Variants in RGS5 observed in about 807,000 individuals in gnomAD.
RGS5 encodes regulator of G-protein signalling 5.
A neutral mutation model predicts 18.9 loss-of-function variants in RGS5; 20 were observed. The ratio of observed to expected loss-of-function variants is 1.06; its 90% CI spans 0.74 to 1.54. The LOEUF (loss-of-function observed/expected upper bound fraction) is 1.54, where lower values mean the gene tolerates loss of function less well. Among genes scored for constraint, RGS5 ranks in the 40% most tolerant of loss-of-function variants. The pLI is 0.00. For synonymous variants in RGS5, 57 were observed against 76.2 expected (o/e 0.75, Z 1.31); for missense variants, 201 against 211.8 (o/e 0.95, Z 0.32).
At chr1:163,316,142 C>A (rs976320279) in intron 1 of RGS5, among the ~76,000 whole-genome samples, 1 of 152,124 alleles carries the variant, frequency 6.6e-6, no homozygotes, top group Non-Finnish European at 1.5e-5. Context: ...TTTACTTACC[C>A]ATTTATAACT....
chr1:163,311,849 T>C (rs955353251), intron 1 of RGS5, among the ~76,000 whole-genome samples: 2 of 152,240 alleles, frequency 1.3e-5, no homozygotes, highest in African/African-American at 4.8e-5. Context: ...CACATGCCAC[T>C]GTTAACAATG....
chr1:163,279,938 C>T (rs1648949665), intron 2 of RGS5, among the ~76,000 whole-genome samples: 1 of 151,932 alleles, frequency 6.6e-6, no homozygotes. Context: ...TACATATAAC[C>T]TACCAAGATT....
chr1:163,306,001 T>A (rs960048242), intron 2 of RGS5, among the ~76,000 whole-genome samples: 5 of 151,938 alleles, frequency 3.3e-5, no homozygotes, highest in East Asian at 3.9e-4. Context: ...TTATTTTTTT[T>A]AATCTTTTTT....
intron 1 of RGS5, among the ~76,000 whole-genome samples, chr1:163,173,132 T>C (rs926520225): frequency 1.3e-5 from 2 of 152,192 alleles, no homozygotes; most frequent in African/African-American, 4.8e-5. Context: ...TCCTGCTTGG[T>C]CTCGGGCTCT....
chr1:163,229,277 G>T (rs574874005), intron 2 of RGS5, among the ~76,000 whole-genome samples: 2 of 152,284 alleles, frequency 1.3e-5, no homozygotes, highest in East Asian at 3.9e-4. Context: ...CAGGGCAGCA[G>T]GGGAGAGAAT....
intron 1 of RGS5, among the ~76,000 whole-genome samples, chr1:163,314,545 AAAC>A (rs555810232): frequency 5.9e-4 from 90 of 151,726 alleles, no homozygotes; most frequent in East Asian, 1.5e-3. Flanking sequence ...CAACAAAACA[AAAC>A]AACAACAACA....
chr1:163,221,301 C>T (rs1647223642), upstream of RGS5, among the ~76,000 whole-genome samples: 1 of 152,090 alleles, frequency 6.6e-6, no homozygotes, highest in Admixed American at 6.5e-5. Context: ...AGTTCGCGAC[C>T]AGCTTGGCCA....
At chr1:163,167,679 T>C (rs920895658) in intron 2 of RGS5, among the ~76,000 whole-genome samples, 2 of 152,186 alleles carry the variant, frequency 1.3e-5, no homozygotes, top group African/African-American at 4.8e-5. Context: ...GTACATTAAA[T>C]AGAAATAGCT....
chr1:163,302,050 A>T lies in RGS5; in HGVS notation c.-281+4183T>A, dbSNP rs552065860. Among the ~76,000 whole-genome samples, 8 of 151,348 alleles carry T rather than the reference A, an allele frequency of 5.3e-5. No homozygotes were observed. The East Asian group carries it at 1.5e-3, about 29-fold the overall frequency. ...AGATATGCTGTTTTTTATTTTAAGA[A>T]AAAGTTTTTTTCATATAAAGAAAAA... On this transcript the variant is annotated intron_variant, in intron 2 of 5. Coordinates refer to the RGS5 transcript ENST00000618415.
chr1:163,171,953 ATC>A (rs1337460825), intron 1 of RGS5, among the ~76,000 whole-genome samples: 2 of 152,206 alleles, frequency 1.3e-5, no homozygotes, highest in African/African-American at 4.8e-5. Context: ...ACAACGGTAG[ATC>A]AGGGGGAACT....
chr1:163,240,046 G>T (rs1452513574), intron 2 of RGS5, among the ~76,000 whole-genome samples: 1 of 134,692 alleles, frequency 7.4e-6, no homozygotes, highest in African/African-American at 2.5e-5. Context: ...AAACTGTTTA[G>T]CAGGGTTTTT....
chr1:163,172,368 A>T (rs1658342948), intron 1 of RGS5, among the ~76,000 whole-genome samples: 1 of 152,214 alleles, frequency 6.6e-6, no homozygotes, highest in South Asian at 2.1e-4. Context: ...ACCATTTATA[A>T]ATGGTAGTTA....
At chr1:163,234,188 C>A (rs564273166) in intron 2 of RGS5, among the ~76,000 whole-genome samples, 1 of 152,182 alleles carries the variant, frequency 6.6e-6, no homozygotes, top group Non-Finnish European at 1.5e-5. Context: ...ATTCTATTAG[C>A]TGTAGAATTT....
At position 163,202,866 on chromosome 1, in the gene RGS5, A is replaced by C. The variant is rs1252735715; in HGVS notation, c.-31T>G. On this transcript the variant is annotated 5_prime_UTR_variant, in exon 1 of 5. Transcript: ENST00000313961. The stretch of plus-strand genomic sequence containing the variant: ...CAGGTGGCTTAGCTCCTCCGCTTTA[A>C]GTACAACTTCTTAACAGCAGAGCCA... 1 of 1,610,328 alleles carries C rather than the reference A, an allele frequency of 6.2e-7. No individual in the cohort carries two copies. Among genetic ancestry groups the C allele is most frequent in the African/African-American group, 1.3e-5 (1 of 74,816 alleles).
At chr1:163,276,104 C>T (rs1648845898) in intron 2 of RGS5, among the ~76,000 whole-genome samples, 1 of 152,120 alleles carries the variant, frequency 6.6e-6, no homozygotes, top group Admixed American at 6.6e-5. Flanking sequence ...AAGCAATTCT[C>T]CTACCTCAGC....
chr1:163,261,656 C>T (rs1182303750), intron 2 of RGS5, among the ~76,000 whole-genome samples: 2 of 152,128 alleles, frequency 1.3e-5, no homozygotes, highest in African/African-American at 2.4e-5. Flanking sequence ...GTTTCCCAAA[C>T]ATTTTGGATC....
At chr1:163,206,929 T>C (rs1465648536), upstream of RGS5, 2 of 152,236 alleles carry the variant, frequency 1.3e-5, no homozygotes, top group Admixed American at 1.3e-4. Flanking sequence ...TTTATATAAA[T>C]ATAATCTGCA....
intron 3 of RGS5, among the ~76,000 whole-genome samples, chr1:163,160,993 G>A (rs1007789061): frequency 6.6e-5 from 10 of 152,154 alleles, no homozygotes; most frequent in African/African-American, 2.4e-4. Flanking sequence ...CAGAACATAA[G>A]GCAGCAAGTA....
chr1:163,229,362 C>T (rs998430146), intron 2 of RGS5, among the ~76,000 whole-genome samples: 1 of 152,162 alleles, frequency 6.6e-6, no homozygotes, highest in Non-Finnish European at 1.5e-5. Context: ...ATCATGAGAA[C>T]AGCATGGGGG....
Sources: gnomAD v4.1 joint callset for allele counts (sites outside exome capture counted in the v4.1 genomes callset) on GRCh38, gnomAD v4.1.1 for gene constraint, MANE v1.5 for transcripts, NCBI Gene and HGNC (gene_info 2026-07-23, HGNC 2026-07-21) for gene names.